CACNA2D3: variants seen among roughly 807,000 people sequenced by gnomAD.
CACNA2D3 encodes the protein calcium voltage-gated channel auxiliary subunit alpha2delta 3.
Under a neutral mutation model 160.6 loss-of-function variants are expected in CACNA2D3, and 60 were observed. That is an observed-to-expected ratio of 0.37 (90% CI 0.30 to 0.46). CACNA2D3 has a LOEUF of 0.46. Among genes scored for constraint, CACNA2D3 ranks in the 20% least tolerant of loss-of-function variants. The pLI is 1.00. For missense variants in CACNA2D3, 1,205 were observed against 1,365.0 expected (o/e 0.88, Z 1.85); for synonymous variants, 558 against 492.9 (o/e 1.13, Z -1.75).
intron 13 of CACNA2D3, 36 bp downstream of exon 13, chr3:54,764,387 T>G: frequency 6.2e-7 from 1 of 1,608,706 alleles, no homozygotes; most frequent in Non-Finnish European, 8.5e-7. Flanking sequence ...AGGCTAAGCT[T>G]TACCCCCATC....
rs1559595646 is a variant in CACNA2D3 at position 54,822,794 on chromosome 3, T to TCTTTC, written c.1398+5925_1398+5929dup. 8.6e-3 allele frequency among the ~76,000 whole-genome samples: 540 copies of TCTTTC among 62,882 alleles called. 2 individuals carry two copies. The highest frequency in any genetic ancestry group is 0.015 in the Admixed American group (84 of 5,560). 41.3% of individuals were successfully genotyped at this position (62,882 alleles called of 152,430 possible). ...TCTTTCTTTCTTTCTTTCTTTCCTTTCTTTCTTTCTTTCTTTCTTTCTTTC... is the reference window on the plus strand; with the variant it reads ...TCTTTCTTTCTTTCTTTCTTTCCTTTCTTTCCTTTCTTTCTTTCTTTCTTTCTTTC... On this transcript the variant is annotated intron_variant, in intron 14 of 37. Transcript: ENST00000474759.
intron 9 of CACNA2D3, among the ~76,000 whole-genome samples, chr3:54,584,675 A>G (rs1422868895): frequency 6.6e-6 from 1 of 152,250 alleles, no homozygotes. Context: ...ATACATATTC[A>G]AAAGGTTATG....
intron 9 of CACNA2D3, among the ~76,000 whole-genome samples, chr3:54,617,927 C>G (rs192252995): frequency 6.6e-6 from 1 of 151,618 alleles, no homozygotes; most frequent in Non-Finnish European, 1.5e-5. Context: ...CAGTGACTTT[C>G]CTTTTTCTGT....
intron 9 of CACNA2D3, among the ~76,000 whole-genome samples, chr3:54,593,661 T>G (rs1205392957): frequency 6.6e-6 from 1 of 152,242 alleles, no homozygotes; most frequent in African/African-American, 2.4e-5. Context: ...GTTGTTTTCC[T>G]GTGATTGTGA....
intron 2 of CACNA2D3, among the ~76,000 whole-genome samples, chr3:54,246,662 T>C (rs1321385557): frequency 6.6e-6 from 1 of 150,988 alleles, no homozygotes; most frequent in Non-Finnish European, 1.5e-5. Flanking sequence ...AGACGGAGGC[T>C]GCAGTGAGCT....
chr3:54,747,859 T>C (rs1346968101), intron 11 of CACNA2D3, among the ~76,000 whole-genome samples: 1 of 152,224 alleles, frequency 6.6e-6, no homozygotes, highest in Non-Finnish European at 1.5e-5. Flanking sequence ...CCATCTTCCT[T>C]TTCTAAAAAT....
intron 4 of CACNA2D3, among the ~76,000 whole-genome samples, chr3:54,483,244 CCACA>C (rs1700962203): frequency 6.6e-6 from 1 of 152,124 alleles, no homozygotes; most frequent in Non-Finnish European, 1.5e-5. Context: ...AGTCTAAATG[CCACA>C]CAATGATTTT....
At chr3:54,693,179 T>C (rs1293294416) in intron 11 of CACNA2D3, among the ~76,000 whole-genome samples, 1 of 152,128 alleles carries the variant, frequency 6.6e-6, no homozygotes, top group Non-Finnish European at 1.5e-5. Context: ...CATAGAAAAA[T>C]GGGCATCTTA....
rs552653543 is a variant in CACNA2D3, at chr3:54,736,661, A to G, written c.1168-15938A>G. Among the ~76,000 whole-genome samples, 11 of 152,326 alleles carry G rather than the reference A, an allele frequency of 7.2e-5. No homozygotes were observed. The South Asian group carries it at 2.1e-3, about 29-fold the overall frequency. On this transcript the variant is annotated intron_variant, in intron 11 of 37. Coordinates refer to ENST00000474759, the MANE Select transcript of CACNA2D3 (RefSeq NM_018398.3). ...TTGGTGCTTAAAAGTGAGCTTGAAC[A>G]TCTTGTTCTCTGTCTTTTGTTTATT...
intron 9 of CACNA2D3, among the ~76,000 whole-genome samples, chr3:54,592,874 C>G (rs1219003553): frequency 1.3e-5 from 2 of 152,146 alleles, no homozygotes; most frequent in Non-Finnish European, 2.9e-5. Context: ...TTCCCCAGTA[C>G]TTTTCTTTCA....
At position 54,903,387 on chromosome 3, in the gene CACNA2D3, C is replaced by G. The variant is rs563160195; in HGVS notation, c.2449+3519C>G. Among the ~76,000 whole-genome samples, 65 of 152,310 alleles carry G rather than the reference C, an allele frequency of 4.3e-4. No homozygotes were observed. In the South Asian group the frequency reaches 7.9e-3, roughly 18 times the overall value. On this transcript the variant is annotated intron_variant, in intron 27 of 37. Transcript: ENST00000474759. ...TGTGTTCCTGCAAAGGACCTGATCT[C>G]ATTCTTTTTTTATGGCTGCATAGTA...
At chr3:54,962,874 T>G (rs1319444152) in intron 27 of CACNA2D3, among the ~76,000 whole-genome samples, 2 of 152,202 alleles carry the variant, frequency 1.3e-5, no homozygotes, top group Non-Finnish European at 2.9e-5. Context: ...CCCTCTAGTA[T>G]GTTGCAAGTT....
intron 27 of CACNA2D3, among the ~76,000 whole-genome samples, chr3:54,963,333 G>T (rs914750810): frequency 1.3e-5 from 2 of 151,990 alleles, no homozygotes; most frequent in African/African-American, 4.8e-5. Flanking sequence ...GAGTGCTAGG[G>T]TCCATTTCTT....
intron 14 of CACNA2D3, 87 bp downstream of exon 14, chr3:54,816,957 A>G (rs948216653): frequency 5.5e-6 from 8 of 1,461,120 alleles, no homozygotes; most frequent in African/African-American, 4.3e-5. Context: ...GACACTGTTC[A>G]TGACCAGTGA....
intron 5 of CACNA2D3, among the ~76,000 whole-genome samples, chr3:54,558,204 C>T (rs1042520761): frequency 2.6e-5 from 4 of 152,188 alleles, no homozygotes; most frequent in African/African-American, 9.7e-5. Context: ...CGTCCTCACC[C>T]CTCCTGTCTG....
chr3:54,887,147 C>T (rs1043661811), intron 23 of CACNA2D3, among the ~76,000 whole-genome samples: 1 of 152,008 alleles, frequency 6.6e-6, no homozygotes, highest in African/African-American at 2.4e-5. Context: ...AATTCTTGGC[C>T]GAGCGTGGTG....
At chr3:54,813,552 G>T (rs938764769) in intron 13 of CACNA2D3, among the ~76,000 whole-genome samples, 13 of 152,118 alleles carry the variant, frequency 8.5e-5, no homozygotes, top group Non-Finnish European at 1.5e-4. Context: ...GTGGTGGGGG[G>T]TGTTGATTCA....
chr3:54,392,255 C>G (rs1279158411), intron 4 of CACNA2D3, among the ~76,000 whole-genome samples: 1 of 151,992 alleles, frequency 6.6e-6, no homozygotes, highest in Non-Finnish European at 1.5e-5. Context: ...GAATGCGTTC[C>G]CCCTCTTACA....
chr3:54,616,724 T>C (rs1018525900), intron 9 of CACNA2D3, among the ~76,000 whole-genome samples: 3 of 152,188 alleles, frequency 2.0e-5, no homozygotes, highest in Admixed American at 6.5e-5. Flanking sequence ...CAAAAAAACT[T>C]TTTTAGAGAC....
Sources: gnomAD v4.1 joint callset for allele counts (sites outside exome capture counted in the v4.1 genomes callset) on GRCh38, gnomAD v4.1.1 for gene constraint, MANE v1.5 for transcripts, NCBI Gene and HGNC (gene_info 2026-07-23, HGNC 2026-07-21) for gene names.